The following SLC39A11 variants were observed in gnomAD, a reference collection of about 807,000 sequenced individuals.
The protein encoded by SLC39A11 is solute carrier family 39 member 11.
A neutral mutation model predicts 36.1 loss-of-function variants in SLC39A11; 33 were observed. That is an observed-to-expected ratio of 0.91 (90% CI 0.69 to 1.22). The LOEUF is 1.22. Ranked by LOEUF, SLC39A11 falls within the 50% of genes most tolerant of loss-of-function variation. The pLI is 0.00. For missense variants in SLC39A11, 432 were observed against 430.3 expected, an observed-to-expected ratio of 1.00 and a Z score of -0.03; for synonymous variants, 166 against 170.3, an observed-to-expected ratio of 0.97 and a Z score of 0.20.
chr17:72,715,218 C>T (rs1018629631), intron 7 of SLC39A11, among the ~76,000 whole-genome samples: 1 of 152,210 alleles, frequency 6.6e-6, no homozygotes, highest in Non-Finnish European at 1.5e-5. Flanking sequence ...TGTTACAAGG[C>T]AGATAAGATG....
chr17:72,756,450 C>G (rs921362641), intron 6 of SLC39A11, among the ~76,000 whole-genome samples: 1 of 152,198 alleles, frequency 6.6e-6, no homozygotes, highest in Admixed American at 6.5e-5. Flanking sequence ...AGTATACTGC[C>G]TTAAAAAGGA....
intron 5 of SLC39A11, among the ~76,000 whole-genome samples, chr17:72,912,605 G>A (rs1440118066): frequency 6.6e-6 from 1 of 151,698 alleles, no homozygotes; most frequent in East Asian, 1.9e-4. Flanking sequence ...GGTCATTAAA[G>A]GTGCAAGACA....
chr17:72,809,698 G>A (rs545245832), intron 6 of SLC39A11, among the ~76,000 whole-genome samples: 3 of 152,312 alleles, frequency 2.0e-5, no homozygotes, highest in East Asian at 3.9e-4. Context: ...AGAAATGCAT[G>A]TGTTAAAATC....
At chr17:72,890,616 T>G (rs534648679) in intron 5 of SLC39A11, among the ~76,000 whole-genome samples, 1 of 152,166 alleles carries the variant, frequency 6.6e-6, no homozygotes, top group African/African-American at 2.4e-5. Context: ...TTTAGACCCA[T>G]TGAATACAAG....
At chr17:72,904,956 G>A (rs991317223) in intron 5 of SLC39A11, among the ~76,000 whole-genome samples, 9 of 148,310 alleles carry the variant, frequency 6.1e-5, no homozygotes, top group African/African-American at 5.0e-5. Context: ...GGCGGATCAC[G>A]AGGTCAGGAG....
chr17:72,983,328 T>C (rs1163793206), intron 4 of SLC39A11, among the ~76,000 whole-genome samples: 1 of 152,150 alleles, frequency 6.6e-6, no homozygotes, highest in Non-Finnish European at 1.5e-5. Context: ...TTTGTATTTT[T>C]AGTAGAGACG....
chr17:72,689,664 T>A (rs1383231910), intron 7 of SLC39A11, among the ~76,000 whole-genome samples: 1 of 152,100 alleles, frequency 6.6e-6, no homozygotes, highest in Non-Finnish European at 1.5e-5. Flanking sequence ...CTCAAAAACA[T>A]CCATGCTAAG....
At chr17:73,013,399 C>T (rs1171119865) in intron 4 of SLC39A11, among the ~76,000 whole-genome samples, 3 of 152,248 alleles carry the variant, frequency 2.0e-5, no homozygotes, top group Non-Finnish European at 4.4e-5. Context: ...TGGTGTTTAG[C>T]TTCCACTTAT....
chr17:72,981,991 C>G (rs2088355491), intron 4 of SLC39A11, among the ~76,000 whole-genome samples: 1 of 152,100 alleles, frequency 6.6e-6, no homozygotes, highest in African/African-American at 2.4e-5. Flanking sequence ...ATCTGTAATC[C>G]CAGCCACTTG....
In SLC39A11 at chr17:72,937,742, C is replaced by T. The variant is rs114728529; in HGVS notation, c.430+10010G>A. Among the ~76,000 whole-genome samples, 780 of 152,306 alleles carry T rather than the reference C, an allele frequency of 5.1e-3. 5 individuals are homozygous for T. The highest frequency in any genetic ancestry group is 0.016 in the African/African-American group (671 of 41,570). On this transcript the variant is annotated intron_variant, in intron 5 of 9. Transcript: ENST00000255559. ...TATGTGTACGACAGGGCCTTCCCTA[C>T]TGGAAAGGGCACAACCAATTCACTA... is the stretch of plus-strand genomic sequence containing the variant.
intron 4 of SLC39A11, among the ~76,000 whole-genome samples, chr17:73,011,060 C>G (rs904529924): frequency 8.3e-6 from 1 of 120,346 alleles, no homozygotes; most frequent in African/African-American, 2.7e-5. Flanking sequence ...CCCTTGCCCC[C>G]ACCTTCAGGC....
intron 7 of SLC39A11, among the ~76,000 whole-genome samples, chr17:72,662,838 G>T (rs34736738): frequency 0.092 from 13,960 of 152,134 alleles, 728 homozygotes; most frequent in Middle Eastern, 0.15. Context: ...AAGAGAGAAA[G>T]AAAGACAGGC....
intron 6 of SLC39A11, among the ~76,000 whole-genome samples, chr17:72,755,858 G>T (rs958900532): frequency 2.0e-5 from 3 of 152,204 alleles, no homozygotes; most frequent in African/African-American, 7.2e-5. Context: ...GCAACCCTGT[G>T]ATTTCTGGGA....
intron 7 of SLC39A11, among the ~76,000 whole-genome samples, chr17:72,735,927 C>T (rs990128253): frequency 2.0e-5 from 3 of 152,140 alleles, no homozygotes; most frequent in Admixed American, 2.0e-4. Context: ...TGAGGGAAAA[C>T]GCGGCATTGA....
At chr17:72,778,655 C>T (rs1213278105) in intron 6 of SLC39A11, among the ~76,000 whole-genome samples, 1 of 152,348 alleles carries the variant, frequency 6.6e-6, no homozygotes, top group East Asian at 1.9e-4. Context: ...CCACCACCAG[C>T]TGCTCTGTCC....
intron 7 of SLC39A11, among the ~76,000 whole-genome samples, chr17:72,706,068 C>T (rs1374582884): frequency 6.6e-6 from 1 of 152,176 alleles, no homozygotes; most frequent in African/African-American, 2.4e-5. Flanking sequence ...ACCAACTGGC[C>T]AGATGGAGCC....
chr17:73,049,281 C>T (rs1049457595), intron 3 of SLC39A11, among the ~76,000 whole-genome samples: 1 of 152,182 alleles, frequency 6.6e-6, no homozygotes, highest in Admixed American at 6.5e-5. Flanking sequence ...TAGATGCATC[C>T]AGGCAAGGCT....
chr17:72,916,545 A>G, intron 5 of SLC39A11, among the ~76,000 whole-genome samples: 1 of 152,000 alleles, frequency 6.6e-6, no homozygotes, highest in Non-Finnish European at 1.5e-5. Flanking sequence ...CTTTTCCAGG[A>G]TGTCACTGTA....
intron 5 of SLC39A11, among the ~76,000 whole-genome samples, chr17:72,905,287 T>C (rs1012062651): frequency 2.4e-5 from 3 of 126,658 alleles, no homozygotes; most frequent in African/African-American, 3.3e-5. Flanking sequence ...CTGTTTCCTA[T>C]TTTTTTTTTT....
Sources: allele counts gnomAD v4.1 joint callset (sites outside exome capture counted in the v4.1 genomes callset), GRCh38; gene constraint gnomAD v4.1.1; transcripts MANE v1.5; gene names NCBI Gene and HGNC (gene_info 2026-07-23, HGNC 2026-07-21).